The following TTC21B variants were observed in gnomAD, a reference collection of about 807,000 sequenced individuals.
TTC21B encodes tetratricopeptide repeat domain 21B.
In TTC21B, 127 loss-of-function variants were observed where a neutral mutation model predicts 175.1. The ratio of observed to expected loss-of-function variants is 0.73; its 90% CI spans 0.63 to 0.84. TTC21B has a LOEUF of 0.84. Among genes scored for constraint, TTC21B ranks in the 40% least tolerant of loss-of-function variants. TTC21B has a pLI of 0.00. For synonymous variants in TTC21B, 524 were observed against 524.5 expected, an observed-to-expected ratio of 1.00 and a Z score of 0.01; for missense variants, 1,561 against 1,558.3, an observed-to-expected ratio of 1.00 and a Z score of -0.03.
intron 1 of TTC21B, among the ~76,000 whole-genome samples, chr2:165,953,174 T>C (rs1016603832): frequency 1.3e-5 from 2 of 152,222 alleles, no homozygotes; most frequent in African/African-American, 2.4e-5. Flanking sequence ...CTTTCTTAAG[T>C]TGACCGTCAT....
chr2:165,927,929 G>A (rs539737016), intron 11 of TTC21B, among the ~76,000 whole-genome samples: 4 of 152,308 alleles, frequency 2.6e-5, no homozygotes, highest in South Asian at 2.1e-4. Flanking sequence ...GCAATGGAAC[G>A]CTTGATAGTG....
chr2:165,902,490 A>G (rs921430646), intron 19 of TTC21B, among the ~76,000 whole-genome samples: 2 of 152,202 alleles, frequency 1.3e-5, no homozygotes, highest in African/African-American at 2.4e-5. Flanking sequence ...TCAAAATGTT[A>G]GCTAACAATT....
At chr2:165,935,938 T>C (rs1250740736) in intron 6 of TTC21B, among the ~76,000 whole-genome samples, 1 of 142,304 alleles carries the variant, frequency 7.0e-6, no homozygotes, top group Non-Finnish European at 1.6e-5. Context: ...TCCCAGCAAG[T>C]TATTTTGAGG....
rs1173775987 is a variant in TTC21B, at chr2:165,873,801, T to A, written c.*954A>T. On this transcript the variant is annotated 3_prime_UTR_variant, in exon 29 of 29. Transcript: ENST00000243344. ...AGAAAGGAAAGGGAAACACACACTC[T>A]ACCCTTTTCTAAAAAAGATTTTTCA... 1 of 152,140 alleles carries A rather than the reference T, an allele frequency of 6.6e-6. No individual in the cohort carries two copies. Among genetic ancestry groups the A allele is most frequent in the African/African-American group, 2.4e-5 (1 of 41,428 alleles). 9.4% of individuals were successfully genotyped at this position (152,140 alleles called of 1,614,324 possible). A position where few individuals can be genotyped will look rare whatever the true frequency, so the allele number is the denominator to read the frequency against.
At chr2:165,941,638 C>T (rs1198955554) in intron 5 of TTC21B, among the ~76,000 whole-genome samples, 1 of 151,932 alleles carries the variant, frequency 6.6e-6, no homozygotes, top group Non-Finnish European at 1.5e-5. Flanking sequence ...AAACAAATCC[C>T]TCTACTTCAA....
chr2:165,885,129 G>C (rs1684960818), intron 25 of TTC21B, among the ~76,000 whole-genome samples: 1 of 152,172 alleles, frequency 6.6e-6, no homozygotes. Context: ...CAGCATGGAA[G>C]ACAGAATGAG....
intron 6 of TTC21B, among the ~76,000 whole-genome samples, chr2:165,937,052 C>G (rs915752183): frequency 5.9e-5 from 9 of 151,928 alleles, no homozygotes; most frequent in Admixed American, 3.9e-4. Context: ...ATCAAGATGT[C>G]CTTCAATGGA....
intron 5 of TTC21B, among the ~76,000 whole-genome samples, chr2:165,941,486 T>A (rs1271674036): frequency 7.3e-6 from 1 of 136,440 alleles, no homozygotes; most frequent in African/African-American, 2.7e-5. Flanking sequence ...AACAAAATTA[T>A]CTTTTTAGAT....
Position 165,949,467 on chromosome 2 carries a change from A to T in TTC21B, c.189T>A (p.Ile63=), listed in dbSNP as rs1417459916. 6.2e-7 allele frequency: 1 copy of T among 1,613,902 alleles called. No individual in the cohort carries two copies. The highest frequency in any genetic ancestry group is 1.1e-5 in the South Asian group (1 of 91,078). The change falls in exon 3 of 29, where the codon ATT becomes ATA. Residue 63 remains isoleucine (I), a synonymous_variant. Coordinates refer to ENST00000243344, the MANE Select transcript of TTC21B (RefSeq NM_024753.5). ...AAAGTGATACATCTTGTTTATTTTT[A>T]ATAGCCTCAAATTCTCGAAGAGCTT... ...TQEALREFEA[I]KNKQDVSLCS...
In TTC21B at chr2:165,931,133, T is replaced by C. The variant is rs150767301; in HGVS notation, c.894+625A>G. 2.0e-3 allele frequency among the ~76,000 whole-genome samples: 303 copies of C among 152,236 alleles called. 1 individual carries two copies. Among genetic ancestry groups the C allele is most frequent in the African/African-American group, 7.2e-3 (299 of 41,572 alleles). On this transcript the variant is annotated intron_variant, in intron 8 of 28. Transcript: ENST00000243344. Reference sequence around the variant, plus strand: ...AAGTTTACACAATCTGATATCTTTGTTTTTAAATAAGAAAATTCAGTATAT... The same window carrying C: ...AAGTTTACACAATCTGATATCTTTGCTTTTAAATAAGAAAATTCAGTATAT...
intron 12 of TTC21B, among the ~76,000 whole-genome samples, chr2:165,921,005 G>T (rs1347889934): frequency 6.6e-6 from 1 of 152,100 alleles, no homozygotes; most frequent in Admixed American, 6.5e-5. Flanking sequence ...TGGGTTCCTG[G>T]AAGGAGACTC....
chr2:165,900,065 A>G lies in TTC21B; in HGVS notation c.2758-185T>C, dbSNP rs546677856. ...CCATCTCTATTTTCTCTTACACTAG[A>G]AAAAAAAAAAACAGAGAAACAGGTA... On this transcript the variant is annotated intron_variant, in intron 20 of 28. Coordinates refer to ENST00000243344, the MANE Select transcript of TTC21B (RefSeq NM_024753.5). 8.3e-5 allele frequency among the ~76,000 whole-genome samples: 4 copies of G among 48,006 alleles called. No individual in the cohort carries two copies. In the South Asian group the frequency reaches 2.2e-3, roughly 26 times the overall value. The allele number at this position is 48,006 out of a possible 152,430, so 31.5% of individuals were successfully genotyped here.
chr2:165,943,026 A>G (rs1687426140), intron 5 of TTC21B, among the ~76,000 whole-genome samples, 193 bp downstream of exon 5: 1 of 152,122 alleles, frequency 6.6e-6, no homozygotes, highest in Non-Finnish European at 1.5e-5. Context: ...GGATTCAGGA[A>G]CTCTGGCAGG....
At chr2:165,898,625 A>T in intron 22 of TTC21B, 61 bp downstream of exon 22, 1 of 1,148,440 alleles carries the variant, frequency 8.7e-7, no homozygotes. Flanking sequence ...CACTAAACAG[A>T]AGAAAAAAGG....
intron 27 of TTC21B, among the ~76,000 whole-genome samples, chr2:165,878,019 CA>C (rs1414753045): frequency 1.1e-4 from 17 of 152,272 alleles, no homozygotes; most frequent in African/African-American, 3.8e-4. Context: ...GGATCTTACG[CA>C]AGTGGCTTGA....
At chr2:165,923,986 C>T (rs1375083442) in intron 12 of TTC21B, among the ~76,000 whole-genome samples, 1 of 151,998 alleles carries the variant, frequency 6.6e-6, no homozygotes, top group African/African-American at 2.4e-5. Context: ...CTCCCAGGCT[C>T]AAGTAATCTG....
intron 26 of TTC21B, 97 bp from the exon 27 acceptor site, chr2:165,880,896 T>C: frequency 1.6e-6 from 2 of 1,289,740 alleles, no homozygotes; most frequent in South Asian, 1.3e-5. Flanking sequence ...TCAACCCATT[T>C]AAATGACAAA....
intron 11 of TTC21B, among the ~76,000 whole-genome samples, chr2:165,927,313 ATTATATAAT>A (rs1366981739): frequency 0.013 from 659 of 51,886 alleles, 85 homozygotes; most frequent in Admixed American, 0.079. Flanking sequence ...TATATTATAT[ATTATATAAT>A]ATATATATAA....
At chr2:165,911,183 A>G (rs747116111) in intron 18 of TTC21B, 144 bp downstream of exon 18, 24 of 965,172 alleles carry the variant, frequency 2.5e-5, no homozygotes, top group Non-Finnish European at 3.6e-5. Context: ...GTAGAGTGGC[A>G]TTCTGATAAA....
Sources: gnomAD v4.1 joint callset for allele counts (sites outside exome capture counted in the v4.1 genomes callset) on GRCh38, gnomAD v4.1.1 for gene constraint, MANE v1.5 for transcripts, NCBI Gene and HGNC (gene_info 2026-07-23, HGNC 2026-07-21) for gene names.